The following MACROD2 variants were observed in gnomAD, a reference collection of about 807,000 sequenced individuals.
The protein encoded by MACROD2 is ADP-ribose glycohydrolase MACROD2.
MACROD2 carries 36 observed loss-of-function variants against 70.4 expected under a neutral mutation model. The ratio of observed to expected loss-of-function variants is 0.51; its 90% CI spans 0.39 to 0.68. The LOEUF (loss-of-function observed/expected upper bound fraction) is 0.68, where lower values mean the gene tolerates loss of function less well. Among genes scored for constraint, MACROD2 ranks in the 30% least tolerant of loss-of-function variants. The probability of loss-of-function intolerance (pLI) is 0.00; values close to 1 mark genes in which losing one functional copy is unlikely to be tolerated. For missense variants in MACROD2, 496 were observed against 538.4 expected, an observed-to-expected ratio of 0.92 and a Z score of 0.78; for synonymous variants, 172 against 178.8, an observed-to-expected ratio of 0.96 and a Z score of 0.30.
At chr20:14,173,632 A>G (rs988007421) in intron 3 of MACROD2, among the ~76,000 whole-genome samples, 3 of 152,070 alleles carry the variant, frequency 2.0e-5, no homozygotes, top group African/African-American at 7.2e-5. Flanking sequence ...AGAGATTTTT[A>G]TCTTGGTTTG....
chr20:16,015,789 A>G (rs1271678640), intron 15 of MACROD2, among the ~76,000 whole-genome samples: 1 of 152,158 alleles, frequency 6.6e-6, no homozygotes, highest in African/African-American at 2.4e-5. Flanking sequence ...ACATTATCGA[A>G]GCTGAGTGCC....
intron 12 of MACROD2, among the ~76,000 whole-genome samples, chr20:15,963,080 A>C (rs993212424): frequency 6.6e-6 from 1 of 152,168 alleles, no homozygotes; most frequent in Non-Finnish European, 1.5e-5. Flanking sequence ...TGCTCCACAT[A>C]ATAAGCCAGA....
At chr20:14,207,380 G>T (rs1350747166) in intron 3 of MACROD2, among the ~76,000 whole-genome samples, 1 of 152,276 alleles carries the variant, frequency 6.6e-6, no homozygotes, top group East Asian at 1.9e-4. Context: ...GATTACAGGC[G>T]TGAGCCACTG....
At chr20:14,268,970 T>A (rs1296148231) in intron 3 of MACROD2, among the ~76,000 whole-genome samples, 5 of 152,190 alleles carry the variant, frequency 3.3e-5, no homozygotes, top group Non-Finnish European at 7.4e-5. Context: ...TCCTACAATT[T>A]GTGTGTTGGC....
intron 5 of MACROD2, among the ~76,000 whole-genome samples, chr20:15,080,115 C>CAAAT (rs11467492): frequency 0.12 from 17,265 of 143,106 alleles, 1,127 homozygotes; most frequent in East Asian, 0.16. Context: ...ACAGAACAGC[C>CAAAT]AAATAAATAA....
intron 8 of MACROD2, among the ~76,000 whole-genome samples, chr20:15,758,522 G>C (rs946224173): frequency 6.7e-6 from 1 of 150,060 alleles, no homozygotes; most frequent in African/African-American, 2.5e-5. Flanking sequence ...TTACAGGCGT[G>C]AGTCACTGCA....
At chr20:15,766,566 A>G (rs934196857) in intron 8 of MACROD2, among the ~76,000 whole-genome samples, 1 of 152,194 alleles carries the variant, frequency 6.6e-6, no homozygotes, top group African/African-American at 2.4e-5. Flanking sequence ...TTAAAAAGTT[A>G]AAGTATTTAA....
At chr20:14,621,302 G>A (rs969733829) in intron 4 of MACROD2, among the ~76,000 whole-genome samples, 4 of 152,028 alleles carry the variant, frequency 2.6e-5, no homozygotes, top group Non-Finnish European at 4.4e-5. Context: ...CAGCCTCCAC[G>A]TGGACTATGG....
At chr20:14,977,943 T>C (rs977730875) in intron 5 of MACROD2, among the ~76,000 whole-genome samples, 1 of 152,150 alleles carries the variant, frequency 6.6e-6, no homozygotes, top group African/African-American at 2.4e-5. Flanking sequence ...CATTCAAAAA[T>C]CCTTTGTTTT....
intron 2 of MACROD2, among the ~76,000 whole-genome samples, chr20:14,044,865 G>GC (rs2053446141): frequency 6.6e-6 from 1 of 152,248 alleles, no homozygotes; most frequent in African/African-American, 2.4e-5. Context: ...GGGACTGGGT[G>GC]CCGTAGAGCA....
chr20:16,002,761 T>G (rs982265818), intron 15 of MACROD2, among the ~76,000 whole-genome samples: 1 of 152,136 alleles, frequency 6.6e-6, no homozygotes, highest in Non-Finnish European at 1.5e-5. Flanking sequence ...TCAGTTTGCA[T>G]TGTGTGAAGC....
intron 3 of MACROD2, among the ~76,000 whole-genome samples, chr20:14,206,206 C>A (rs573893693): frequency 4.6e-5 from 7 of 152,284 alleles, no homozygotes; most frequent in African/African-American, 1.7e-4. Flanking sequence ...AAGAATTATC[C>A]AGTCTAAAAT....
intron 4 of MACROD2, among the ~76,000 whole-genome samples, chr20:14,588,911 C>G (rs919696998): frequency 1.3e-5 from 2 of 151,986 alleles, no homozygotes; most frequent in African/African-American, 4.8e-5. Context: ...TTTTTAGTTG[C>G]TTTACAAACC....
intron 3 of MACROD2, among the ~76,000 whole-genome samples, chr20:14,279,563 T>G (rs2082287991): frequency 6.6e-6 from 1 of 152,210 alleles, no homozygotes; most frequent in Non-Finnish European, 1.5e-5. Flanking sequence ...AAAGATTTGC[T>G]TCTATTTTTG....
At chr20:15,918,754 C>T (rs183921940) in intron 10 of MACROD2, among the ~76,000 whole-genome samples, 2 of 152,318 alleles carry the variant, frequency 1.3e-5, no homozygotes, top group Admixed American at 1.3e-4. Context: ...GTCTGCCTTA[C>T]GGGTAGTGTG....
chr20:15,802,400 A>G (rs1229923790), intron 8 of MACROD2, among the ~76,000 whole-genome samples: 1 of 152,140 alleles, frequency 6.6e-6, no homozygotes, highest in Non-Finnish European at 1.5e-5. Context: ...TTTATAATGA[A>G]GGGATGTTGG....
At chr20:14,331,974 C>T (rs2082850343) in intron 3 of MACROD2, among the ~76,000 whole-genome samples, 1 of 152,082 alleles carries the variant, frequency 6.6e-6, no homozygotes, top group South Asian at 2.1e-4. Flanking sequence ...ATGAATCGAT[C>T]TTTTAGAAAA....
chr20:14,229,476 C>T (rs970020291), intron 3 of MACROD2, among the ~76,000 whole-genome samples: 7 of 152,158 alleles, frequency 4.6e-5, no homozygotes, highest in Admixed American at 1.3e-4. Context: ...AAAAGATGCT[C>T]AGTATTATAT....
chr20:14,437,305 G>A (rs908854066), intron 3 of MACROD2, among the ~76,000 whole-genome samples: 1 of 151,928 alleles, frequency 6.6e-6, no homozygotes, highest in African/African-American at 2.4e-5. Context: ...TTTAAAAAGG[G>A]TTTCTTGGGC....
Sources: gnomAD v4.1 joint callset for allele counts (sites outside exome capture counted in the v4.1 genomes callset) on GRCh38, gnomAD v4.1.1 for gene constraint, MANE v1.5 for transcripts, NCBI Gene and HGNC (gene_info 2026-07-23, HGNC 2026-07-21) for gene names.